KLHL6: variants seen among roughly 807,000 people sequenced by gnomAD.
KLHL6 encodes the protein kelch like family member 6.
In KLHL6, 41 loss-of-function variants were observed where a neutral mutation model predicts 58.6. The observed-to-expected ratio is 0.70, with a 90% CI of 0.55 to 0.91. The LOEUF (loss-of-function observed/expected upper bound fraction) is 0.91, where lower values mean the gene tolerates loss of function less well. Ranked by LOEUF, KLHL6 falls within the 40% of genes least tolerant of loss-of-function variation. The pLI is 0.00. For missense variants in KLHL6, 714 were observed against 805.6 expected, an observed-to-expected ratio of 0.89 and a Z score of 1.38; for synonymous variants, 338 against 322.7, an observed-to-expected ratio of 1.05 and a Z score of -0.51.
At chr3:183,549,983 CA>C in intron 1 of KLHL6, among the ~76,000 whole-genome samples, 1 of 151,772 alleles carries the variant, frequency 6.6e-6, no homozygotes, top group South Asian at 2.1e-4. Flanking sequence ...TGAAAACAAA[CA>C]GTAAAAAACA....
In KLHL6 at chr3:183,495,742, T is replaced by C. The variant is rs1021159886; in HGVS notation, c.1148-1461A>G. Among the ~76,000 whole-genome samples the C allele has an allele frequency of 3.9e-5, 6 of 152,104 alleles. No individual in the cohort carries two copies. The East Asian group carries it at 1.2e-3, about 29-fold the overall frequency. Reference sequence around the variant, plus strand: ...CTAAATTTCACTGGGAAGAGTAAGTTTGGAAAAATTTCTAAGAAACTTTTG... The same window carrying C: ...CTAAATTTCACTGGGAAGAGTAAGTCTGGAAAAATTTCTAAGAAACTTTTG... On this transcript the variant is annotated intron_variant, in intron 4 of 6. Coordinates refer to ENST00000341319, the MANE Select transcript of KLHL6 (RefSeq NM_130446.4).
Position 183,492,423 on chromosome 3 carries a change from C to T in KLHL6, c.1564+71G>A. The T allele has an allele frequency of 6.5e-7, 1 of 1,544,332 alleles. No homozygotes were observed. Among genetic ancestry groups the T allele is most frequent in the Non-Finnish European group, 8.9e-7 (1 of 1,122,732 alleles). On this transcript the variant is annotated intron_variant, in intron 6 of 6. Coordinates refer to ENST00000341319, the MANE Select transcript of KLHL6 (RefSeq NM_130446.4). The surrounding 1 kb of genome is among the most constrained non-coding windows in gnomAD (Gnocchi z 5.9). ...CCAGCGCTGGAGACACCGCGACACA[C>T]CGTTTACGTGCTGCAGCCAGGCGCT...
intron 2 of KLHL6, among the ~76,000 whole-genome samples, chr3:183,511,053 A>G (rs1174223600): frequency 3.3e-5 from 5 of 152,202 alleles, no homozygotes; most frequent in African/African-American, 1.2e-4. Context: ...AGCGCTCAGC[A>G]TACGGAGGAC....
chr3:183,543,110 T>C (rs960013209), intron 1 of KLHL6, among the ~76,000 whole-genome samples: 1 of 152,072 alleles, frequency 6.6e-6, no homozygotes, highest in Non-Finnish European at 1.5e-5. Flanking sequence ...CTGGCCAACA[T>C]GGCGAAACCC....
chr3:183,521,938 G>A (rs1159168324), intron 2 of KLHL6, among the ~76,000 whole-genome samples: 2 of 149,470 alleles, frequency 1.3e-5, no homozygotes, highest in Admixed American at 6.7e-5. Flanking sequence ...CAGGTGATCC[G>A]CCCGCCTCCA....
intron 2 of KLHL6, among the ~76,000 whole-genome samples, chr3:183,509,222 T>A (rs996562748): frequency 3.3e-5 from 5 of 152,202 alleles, no homozygotes; most frequent in Non-Finnish European, 7.3e-5. Context: ...TTTTTTAAAG[T>A]TGGAGAAATG....
At chr3:183,523,392 C>T (rs1207398152) in intron 2 of KLHL6, among the ~76,000 whole-genome samples, 1 of 152,216 alleles carries the variant, frequency 6.6e-6, no homozygotes, top group African/African-American at 2.4e-5. Context: ...CTCTAACTGC[C>T]ACCATGTCAC....
At chr3:183,493,979 A>T in intron 5 of KLHL6, 100 bp downstream of exon 5, 2 of 1,057,448 alleles carry the variant, frequency 1.9e-6, no homozygotes, top group Non-Finnish European at 2.9e-6. Flanking sequence ...AAGTAAAGTG[A>T]TCAGAAAGCT....
chr3:183,521,937 C>T (rs1418061112), intron 2 of KLHL6, among the ~76,000 whole-genome samples: 14 of 149,694 alleles, frequency 9.4e-5, no homozygotes, highest in East Asian at 6.1e-4. Flanking sequence ...TCAGGTGATC[C>T]GCCCGCCTCC....
At chr3:183,528,615 C>T (rs542027125) in intron 1 of KLHL6, among the ~76,000 whole-genome samples, 3 of 152,258 alleles carry the variant, frequency 2.0e-5, no homozygotes, top group East Asian at 1.9e-4. Flanking sequence ...GATATTTAGC[C>T]GCCATCTTGG....
At chr3:183,536,199 G>T (rs190507771) in intron 1 of KLHL6, among the ~76,000 whole-genome samples, 23 of 152,166 alleles carry the variant, frequency 1.5e-4, no homozygotes, top group Non-Finnish European at 3.2e-4. Flanking sequence ...GAACAGGGGG[G>T]CAAGACAAGG....
At chr3:183,506,789 C>T (rs1718019543) in intron 3 of KLHL6, among the ~76,000 whole-genome samples, 1 of 151,570 alleles carries the variant, frequency 6.6e-6, no homozygotes, top group Admixed American at 6.6e-5. Context: ...GATTGCACCA[C>T]TGTACTCCAG....
chr3:183,492,384 G>A lies in KLHL6; in HGVS notation c.1564+110C>T, dbSNP rs2108662335. On this transcript the variant is annotated intron_variant, in intron 6 of 6. Transcript: ENST00000341319. This position sits in a 1 kb window ranked among gnomAD's most constrained non-coding sequence, Gnocchi z 5.9. ...CTCCTGAAAGCCAGAGTGGGTCCTA[G>A]GGGCAGTGAGTTGCCAGCGCTGGAG... The A allele has an allele frequency of 7.5e-7, 1 of 1,341,088 alleles. No individual in the cohort carries two copies. Among genetic ancestry groups the A allele is most frequent in the East Asian group, 2.4e-5 (1 of 40,866 alleles). 83.1% of individuals were successfully genotyped at this position (1,341,088 alleles called of 1,614,324 possible).
rs1367673441 is a variant in KLHL6 at position 183,531,441 on chromosome 3, G to GTATTTTTTTTTTTTTTTTTTTTTTTT, written c.294-3432_294-3431insAAAAAAAAAAAAAAAAAAAAAAAATA. 4.9e-5 allele frequency among the ~76,000 whole-genome samples: 5 copies of GTATTTTTTTTTTTTTTTTTTTTTTTT among 102,100 alleles called. 1 individual carries two copies. The highest frequency in any genetic ancestry group is 4.4e-5 in the Non-Finnish European group (2 of 45,836). The allele number at this position is 102,100 out of a possible 152,430, so 67.0% of individuals were successfully genotyped here. A position where few individuals can be genotyped will look rare whatever the true frequency, so the allele number is the denominator to read the frequency against. ...CCTTCTTTCTGTTCTTTTTTTGTCT[G>GTATTTTTTTTTTTTTTTTTTTTTTTT]TGTTTTTTTTTTTTTTTTTTTTTTT... On this transcript the variant is annotated intron_variant, in intron 1 of 6. Coordinates refer to ENST00000341319, the MANE Select transcript of KLHL6 (RefSeq NM_130446.4).
chr3:183,533,270 TTTCCTTCCTTCC>T (rs376539158), intron 1 of KLHL6, among the ~76,000 whole-genome samples: 1 of 150,286 alleles, frequency 6.7e-6, no homozygotes, highest in South Asian at 2.1e-4. Flanking sequence ...TCCTTCCTTC[TTTCCTTCCTTCC>T]TTCCTTCCCT....
intron 1 of KLHL6, among the ~76,000 whole-genome samples, chr3:183,543,072 C>T (rs1712606546): frequency 6.6e-6 from 1 of 152,162 alleles, no homozygotes. Flanking sequence ...GCGGGCAGAT[C>T]ACCTGAGGTC....
At chr3:183,553,977 CA>C (rs59243986) in intron 1 of KLHL6, among the ~76,000 whole-genome samples, 4,119 of 127,434 alleles carry the variant, frequency 0.032, 143 homozygotes, top group African/African-American at 0.096. Flanking sequence ...CCAAGCACCT[CA>C]AAAAAAAAAA....
chr3:183,519,933 A>C (rs1711700736), intron 2 of KLHL6, among the ~76,000 whole-genome samples: 2 of 151,904 alleles, frequency 1.3e-5, no homozygotes, highest in South Asian at 4.2e-4. Flanking sequence ...AAACAGAAAA[A>C]TAATAGGTTA....
At chr3:183,550,223 G>A (rs936004571) in intron 1 of KLHL6, among the ~76,000 whole-genome samples, 1 of 152,158 alleles carries the variant, frequency 6.6e-6, no homozygotes, top group Non-Finnish European at 1.5e-5. Context: ...GACAACAGGA[G>A]AGAGAAGATG....
Sources: gnomAD v4.1 joint callset for allele counts (sites outside exome capture counted in the v4.1 genomes callset) on GRCh38, gnomAD v4.1.1 for gene constraint, Gnocchi (gnomAD v3.1) non-coding constraint, MANE v1.5 for transcripts, NCBI Gene and HGNC (gene_info 2026-07-23, HGNC 2026-07-21) for gene names.